DIXDC1: variants seen among roughly 807,000 people sequenced by gnomAD.
The protein encoded by DIXDC1 is DIX domain containing 1.
Under a neutral mutation model 103.1 loss-of-function variants are expected in DIXDC1, and 64 were observed. The ratio of observed to expected loss-of-function variants is 0.62; its 90% CI spans 0.51 to 0.76. DIXDC1 has a LOEUF of 0.76. Among genes scored for constraint, DIXDC1 ranks in the 30% least tolerant of loss-of-function variants. DIXDC1 has a pLI of 0.00. For synonymous variants in DIXDC1, 266 were observed against 298.5 expected, an observed-to-expected ratio of 0.89 and a Z score of 1.12; for missense variants, 759 against 834.2, an observed-to-expected ratio of 0.91 and a Z score of 1.11.
In DIXDC1 at chr11:111,987,517, A is replaced by T. The variant is rs896806517; in HGVS notation, c.1062+593A>T. 2.0e-5 allele frequency among the ~76,000 whole-genome samples: 3 copies of T among 152,146 alleles called. No homozygotes were observed. The East Asian group carries it at 5.8e-4, about 29-fold the overall frequency. On this transcript the variant is annotated intron_variant, in intron 9 of 19. Transcript: ENST00000440460. ...GAAAAAATGTATCTAATACCAGTAC[A>T]GTCTTTTTTTATAAATACTTCTCAG...
chr11:111,938,757 C>T (rs1466479768), intron 1 of DIXDC1, among the ~76,000 whole-genome samples: 1 of 152,202 alleles, frequency 6.6e-6, no homozygotes, highest in Non-Finnish European at 1.5e-5. Flanking sequence ...CGTGCCCTAG[C>T]GTTGTTCCTA....
intron 2 of DIXDC1, among the ~76,000 whole-genome samples, chr11:111,930,631 C>A (rs1319557948): frequency 6.6e-6 from 1 of 152,116 alleles, no homozygotes; most frequent in Non-Finnish European, 1.5e-5. Flanking sequence ...TTCTTAACCA[C>A]TTCTCTGTTG....
Position 112,017,627 on chromosome 11 carries a change from G to A in DIXDC1, c.1863-150G>A. 1 of 547,666 alleles carries A rather than the reference G, an allele frequency of 1.8e-6. No individual in the cohort carries two copies. Among genetic ancestry groups the A allele is most frequent in the Non-Finnish European group, 3.3e-6 (1 of 300,320 alleles). 33.9% of individuals were successfully genotyped at this position (547,666 alleles called of 1,614,324 possible). On this transcript the variant is annotated intron_variant, in intron 18 of 19. Transcript: ENST00000440460. This position sits in a 1 kb window ranked among gnomAD's most constrained non-coding sequence, Gnocchi z 4.0. ...GATGACTGGTTCTCCAGCCTCTGCT[G>A]TTTTAGTCATCTGGGTTATCGGGGC...
chr11:111,951,698 TA>T (rs1234556844), intron 1 of DIXDC1, among the ~76,000 whole-genome samples: 1 of 152,108 alleles, frequency 6.6e-6, no homozygotes, highest in East Asian at 1.9e-4. Context: ...GTTCTCATGA[TA>T]GTGAATAAAC....
At chr11:111,967,216 T>C (rs1859767303) in intron 2 of DIXDC1, among the ~76,000 whole-genome samples, 1 of 152,212 alleles carries the variant, frequency 6.6e-6, no homozygotes, top group Non-Finnish European at 1.5e-5. Context: ...ATATCCAACA[T>C]CTCTACTTGG....
intron 17 of DIXDC1, among the ~76,000 whole-genome samples, chr11:112,008,038 G>A (rs186697038): frequency 9.7e-4 from 147 of 151,674 alleles, no homozygotes; most frequent in Admixed American, 8.7e-3. Flanking sequence ...CAAACCCATC[G>A]GTGTGCTGTA....
rs587755435 is a variant in DIXDC1 at position 111,977,464 on chromosome 11, A to G, written c.656+2481A>G. The G allele has an allele frequency of 2.6e-4, 330 of 1,283,958 alleles. No individual in the cohort carries two copies. In the African/African-American group the frequency reaches 4.8e-3, roughly 19 times the overall value. 79.5% of individuals were successfully genotyped at this position (1,283,958 alleles called of 1,614,324 possible). A position where few individuals can be genotyped will look rare whatever the true frequency, so the allele number is the denominator to read the frequency against. ...CCGCGGAGGCCAAGATGCAGCGGCC[A>G]GGGGCCGGCAGCCTGCGAGGGGAGG... On this transcript the variant is annotated intron_variant, in intron 5 of 19. Transcript: ENST00000440460. This position sits in a 1 kb window ranked among gnomAD's most constrained non-coding sequence, Gnocchi z 6.1.
rs1861647463 is a variant in DIXDC1 at position 112,017,946 on chromosome 11, C to T, written c.1971+61C>T. On this transcript the variant is annotated intron_variant, in intron 19 of 19. Coordinates refer to ENST00000440460, the MANE Select transcript of DIXDC1 (RefSeq NM_001037954.4). This position sits in a 1 kb window ranked among gnomAD's most constrained non-coding sequence, Gnocchi z 4.0. ...GGTCCTTTCTGAACCCTGAAGCCTCCTGTTCAAGCACTAGTGTCCAGAAGT... is the reference window on the plus strand; with the variant it reads ...GGTCCTTTCTGAACCCTGAAGCCTCTTGTTCAAGCACTAGTGTCCAGAAGT... 7.3e-7 allele frequency: 1 copy of T among 1,361,408 alleles called. No homozygotes were observed. The highest frequency in any genetic ancestry group is 2.0e-5 in the Admixed American group (1 of 49,620). The allele number at this position is 1,361,408 out of a possible 1,614,324, so 84.3% of individuals were successfully genotyped here.
chr11:111,994,598 A>G lies in DIXDC1; in HGVS notation c.1438-421A>G, dbSNP rs369848931. ...ATGTATGTGTATATTATGTATGTAT[A>G]TGTATGTATGTATATGTATGTGTAT... is the stretch of plus-strand genomic sequence containing the variant. On this transcript the variant is annotated intron_variant, in intron 14 of 19. Transcript: ENST00000440460. 8.4e-4 allele frequency among the ~76,000 whole-genome samples: 123 copies of G among 147,264 alleles called. 2 individuals are homozygous for G. The East Asian group carries it at 0.016, about 19-fold the overall frequency.
upstream of DIXDC1, chr11:111,937,101 C>T: frequency 2.1e-6 from 1 of 478,386 alleles, no homozygotes; most frequent in Non-Finnish European, 2.7e-6. Context: ...GTGTGTAGCG[C>T]ACGCACACAC....
chr11:111,960,237 G>A (rs918131969), intron 1 of DIXDC1, among the ~76,000 whole-genome samples: 3 of 151,666 alleles, frequency 2.0e-5, no homozygotes, highest in Admixed American at 2.0e-4. Context: ...TAAAGAAGCT[G>A]TATGTCTTCA....
rs1157322663 is a variant in DIXDC1 at position 111,948,403 on chromosome 11, G to A, written c.60+10844G>A. 3.3e-5 allele frequency among the ~76,000 whole-genome samples: 5 copies of A among 151,838 alleles called. No homozygotes were observed. In the South Asian group the frequency reaches 6.2e-4, roughly 19 times the overall value. ...TCTTCTCCCTGGCCCAGACTTTACCGTCAGTCACTTCAAGCACTTTCAACA... is the reference window on the plus strand; with the variant it reads ...TCTTCTCCCTGGCCCAGACTTTACCATCAGTCACTTCAAGCACTTTCAACA... On this transcript the variant is annotated intron_variant, in intron 1 of 19. Transcript: ENST00000440460.
rs587733396 is a variant in DIXDC1 at position 111,959,864 on chromosome 11, A to G, written c.61-4685A>G. On this transcript the variant is annotated intron_variant, in intron 1 of 19. Coordinates refer to ENST00000440460, the MANE Select transcript of DIXDC1 (RefSeq NM_001037954.4). ...TTAGTGCAAGTCAGCAGTGTGATCTATTGGCCAAAGAAGGAAGGAAAGAGG... is the reference window on the plus strand; with the variant it reads ...TTAGTGCAAGTCAGCAGTGTGATCTGTTGGCCAAAGAAGGAAGGAAAGAGG... Among the ~76,000 whole-genome samples, 195 of 152,144 alleles carry G rather than the reference A, an allele frequency of 1.3e-3. 1 individual carries two copies. Among genetic ancestry groups the G allele is most frequent in the African/African-American group, 3.1e-3 (128 of 41,548 alleles).
At chr11:112,010,476 AAAG>A (rs1337402715) in intron 17 of DIXDC1, among the ~76,000 whole-genome samples, 1 of 152,274 alleles carries the variant, frequency 6.6e-6, no homozygotes, top group Non-Finnish European at 1.5e-5. Flanking sequence ...TGGAACCAAA[AAAG>A]AGCCCACATT....
At chr11:111,982,085 G>A (rs145128834) in intron 6 of DIXDC1, 184 of 303,354 alleles carry the variant, frequency 6.1e-4, no homozygotes, top group Middle Eastern at 2.9e-3. Context: ...CAAGGCTCCC[G>A]TGGAGGGAAT....
chr11:111,993,817 C>A, intron 14 of DIXDC1, 77 bp downstream of exon 14: 1 of 1,521,140 alleles, frequency 6.6e-7, no homozygotes, highest in Non-Finnish European at 9.0e-7. Flanking sequence ...CAGAGCTGAA[C>A]CAAGGCCACA....
chr11:111,944,695 C>T (rs910883381), intron 1 of DIXDC1, among the ~76,000 whole-genome samples: 5 of 152,142 alleles, frequency 3.3e-5, no homozygotes, highest in East Asian at 3.9e-4. Flanking sequence ...CTCCTTCCAC[C>T]GGCCACCTCG....
At chr11:111,963,365 G>A (rs1207635541) in intron 1 of DIXDC1, among the ~76,000 whole-genome samples, 4 of 152,152 alleles carry the variant, frequency 2.6e-5, no homozygotes, top group African/African-American at 9.7e-5. Context: ...TTTGTCAGTG[G>A]CTGATGGATT....
intron 17 of DIXDC1, among the ~76,000 whole-genome samples, chr11:112,004,176 T>TA (rs1861164093): frequency 6.6e-6 from 1 of 151,636 alleles, no homozygotes; most frequent in Admixed American, 6.6e-5. Context: ...GTAGAACTGA[T>TA]ATGTATCAAT....
Sources: gnomAD v4.1 joint callset for allele counts (sites outside exome capture counted in the v4.1 genomes callset) on GRCh38, gnomAD v4.1.1 for gene constraint, Gnocchi (gnomAD v3.1) non-coding constraint, MANE v1.5 for transcripts, NCBI Gene and HGNC (gene_info 2026-07-23, HGNC 2026-07-21) for gene names.